The following PCDH9 variants were observed in gnomAD, a reference collection of about 807,000 sequenced individuals.
PCDH9 encodes the protein protocadherin-9.
In PCDH9, 24 loss-of-function variants were observed where a neutral mutation model predicts 70.6. That is an observed-to-expected ratio of 0.34 (90% CI 0.25 to 0.48). The LOEUF (loss-of-function observed/expected upper bound fraction) is 0.48. Among genes scored for constraint, PCDH9 ranks in the 20% least tolerant of loss-of-function variants. PCDH9 has a pLI of 0.99. For synonymous variants in PCDH9, 562 were observed against 558.5 expected (o/e 1.01, Z -0.09); for missense variants, 1,281 against 1,503.6 (o/e 0.85, Z 2.45).
At chr13:66,533,038 G>A (rs1960536049) in intron 4 of PCDH9, among the ~76,000 whole-genome samples, 1 of 152,130 alleles carries the variant, frequency 6.6e-6, no homozygotes, top group African/African-American at 2.4e-5. Flanking sequence ...TGTGGGTTGA[G>A]GAAGCCACTT....
intron 4 of PCDH9, among the ~76,000 whole-genome samples, chr13:66,620,297 A>G (rs1363871570): frequency 6.6e-6 from 1 of 152,112 alleles, no homozygotes; most frequent in African/African-American, 2.4e-5. Flanking sequence ...AGGCCCTTTA[A>G]TTTTTATAAG....
chr13:66,570,439 C>G (rs747963492), intron 4 of PCDH9, among the ~76,000 whole-genome samples: 1 of 152,036 alleles, frequency 6.6e-6, no homozygotes, highest in Non-Finnish European at 1.5e-5. Flanking sequence ...ACCAGTAAAA[C>G]TAATGAAATC....
At chr13:66,902,770 C>T (rs541624578) in intron 3 of PCDH9, among the ~76,000 whole-genome samples, 8 of 151,528 alleles carry the variant, frequency 5.3e-5, no homozygotes, top group East Asian at 1.9e-4. Context: ...CACTTAAAAA[C>T]GGCTCAGATA....
intron 2 of PCDH9, among the ~76,000 whole-genome samples, chr13:66,994,359 T>A (rs982014175): frequency 6.6e-6 from 1 of 152,138 alleles, no homozygotes; most frequent in Non-Finnish European, 1.5e-5. Context: ...GTAGCTCCCC[T>A]CACCCCGCCA....
At chr13:67,203,785 T>A (rs1173615101) in intron 2 of PCDH9, 1 of 152,022 alleles carries the variant, frequency 6.6e-6, no homozygotes, top group African/African-American at 2.4e-5. Flanking sequence ...CAAATTAAAG[T>A]CTAAGAACAG....
chr13:66,528,068 A>T (rs950775014), intron 4 of PCDH9, among the ~76,000 whole-genome samples: 8 of 152,294 alleles, frequency 5.3e-5, no homozygotes, highest in African/African-American at 9.6e-5. Flanking sequence ...TTATACAAAC[A>T]GTAAATAATA....
At chr13:67,062,163 C>T (rs2085551496) in intron 2 of PCDH9, among the ~76,000 whole-genome samples, 1 of 152,100 alleles carries the variant, frequency 6.6e-6, no homozygotes, top group Non-Finnish European at 1.5e-5. Flanking sequence ...GACAGCAAAT[C>T]AAGGTACCAC....
rs183145379 is a variant in PCDH9, at chr13:67,154,211, G to C, written c.3036+71194C>G. On this transcript the variant is annotated intron_variant, in intron 2 of 4. Transcript: ENST00000377865. ...CTCATGCCTGTAATCCCAGCACTTT[G>C]AGGGGCTGAAGCAGGTAGATCCCTT... Among the ~76,000 whole-genome samples the C allele has an allele frequency of 1.6e-4, 24 of 152,208 alleles. No individual in the cohort carries two copies. The East Asian group carries it at 4.4e-3, about 28-fold the overall frequency.
rs113788493 is a variant in PCDH9 at position 66,647,855 on chromosome 13, G to T, written c.3139-16444C>A. 1.4e-3 allele frequency among the ~76,000 whole-genome samples: 207 copies of T among 151,954 alleles called. 1 individual carries two copies. Among genetic ancestry groups the T allele is most frequent in the African/African-American group, 4.7e-3 (193 of 41,464 alleles). ...TGAAGGGAGTGTCTCATACTCACGA[G>T]CATTCACCAGAAGCTGACTGAAGAG... On this transcript the variant is annotated intron_variant, in intron 3 of 4. Transcript: ENST00000377865.
At chr13:67,162,531 C>T (rs1048586195) in intron 2 of PCDH9, among the ~76,000 whole-genome samples, 7 of 152,152 alleles carry the variant, frequency 4.6e-5, no homozygotes, top group Non-Finnish European at 5.9e-5. Context: ...CATCAAAAGC[C>T]TTTCCTATCT....
At chr13:67,100,391 G>A (rs1049208027) in intron 2 of PCDH9, among the ~76,000 whole-genome samples, 3 of 152,060 alleles carry the variant, frequency 2.0e-5, no homozygotes, top group Non-Finnish European at 2.9e-5. Context: ...TGGAGAACAC[G>A]AAATACCAAA....
chr13:66,697,681 C>A (rs1336848320), intron 3 of PCDH9, among the ~76,000 whole-genome samples: 1 of 152,066 alleles, frequency 6.6e-6, no homozygotes, highest in Non-Finnish European at 1.5e-5. Context: ...ACTATCACTC[C>A]CAGTCACAGC....
At chr13:67,031,364 C>T (rs937816314) in intron 2 of PCDH9, among the ~76,000 whole-genome samples, 3 of 152,124 alleles carry the variant, frequency 2.0e-5, no homozygotes, top group African/African-American at 7.2e-5. Context: ...AAATACAATT[C>T]AAATAACACC....
At chr13:66,671,876 TA>T (rs1031760796) in intron 3 of PCDH9, among the ~76,000 whole-genome samples, 5 of 151,988 alleles carry the variant, frequency 3.3e-5, no homozygotes, top group Admixed American at 3.3e-4. Flanking sequence ...CAATAGAAAA[TA>T]AAAAAACATT....
intron 4 of PCDH9, among the ~76,000 whole-genome samples, chr13:66,466,345 C>T (rs1415790688): frequency 6.6e-6 from 1 of 152,076 alleles, no homozygotes; most frequent in African/African-American, 2.4e-5. Flanking sequence ...TCACTTCTCC[C>T]ATTTCACCAA....
chr13:66,799,840 A>G (rs1011366852), intron 3 of PCDH9, among the ~76,000 whole-genome samples: 1 of 152,122 alleles, frequency 6.6e-6, no homozygotes, highest in Non-Finnish European at 1.5e-5. Flanking sequence ...GACATCTTTA[A>G]AACTCCAGCC....
chr13:66,983,181 T>TA lies in PCDH9; in HGVS notation c.3037-79577dup, dbSNP rs559335420. On this transcript the variant is annotated intron_variant, in intron 2 of 4. Transcript: ENST00000377865. ...TCACCACGGCAGACGTTTACCTATG[T>TA]AAAAAAACCTGCACGTCCTGCACGT... Among the ~76,000 whole-genome samples the TA allele has an allele frequency of 4.6e-4, 70 of 152,058 alleles. No individual in the cohort carries two copies. The East Asian group carries it at 0.013, about 28-fold the overall frequency.
chr13:66,811,857 C>G (rs2080514750), intron 3 of PCDH9, among the ~76,000 whole-genome samples: 1 of 149,860 alleles, frequency 6.7e-6, no homozygotes. Flanking sequence ...AGTTTTTGAC[C>G]CAAAATATCT....
chr13:67,035,460 C>T (rs2084991287), intron 2 of PCDH9, among the ~76,000 whole-genome samples: 1 of 151,880 alleles, frequency 6.6e-6, no homozygotes, highest in African/African-American at 2.4e-5. Context: ...AGCTGTTCAT[C>T]ATAACCTAAT....
Sources: allele counts gnomAD v4.1 joint callset (sites outside exome capture counted in the v4.1 genomes callset), GRCh38; gene constraint gnomAD v4.1.1; transcripts MANE v1.5; gene names NCBI Gene and HGNC (gene_info 2026-07-23, HGNC 2026-07-21).